SORCS1: variants seen among roughly 807,000 people sequenced by gnomAD.
SORCS1 encodes the protein VPS10 domain-containing receptor SorCS1.
Under a neutral mutation model 146.1 loss-of-function variants are expected in SORCS1, and 60 were observed. The ratio of observed to expected loss-of-function variants is 0.41; its 90% confidence interval spans 0.33 to 0.51. The LOEUF (loss-of-function observed/expected upper bound fraction) is 0.51. Ranked by LOEUF, SORCS1 falls within the 20% of genes least tolerant of loss-of-function variation. The pLI is 0.21. For synonymous variants in SORCS1, 637 were observed against 584.0 expected, an observed-to-expected ratio of 1.09 and a Z score of -1.31; for missense variants, 1,352 against 1,487.6, an observed-to-expected ratio of 0.91 and a Z score of 1.50.
At position 107,112,705 on chromosome 10, in the gene SORCS1, T is replaced by C. The variant is rs532165060; in HGVS notation, c.558+51264A>G. Among the ~76,000 whole-genome samples the C allele has an allele frequency of 8.5e-5, 13 of 152,072 alleles. No individual in the cohort carries two copies. In the South Asian group the frequency reaches 1.2e-3, roughly 15 times the overall value. On this transcript the variant is annotated intron_variant, in intron 1 of 25. Transcript: ENST00000263054. ...ATAGAAAAAGGTATTCTATGAAAAATGGCAACCAAAAGAGAGCATGGGTGG... is the reference window on the plus strand; with the variant it reads ...ATAGAAAAAGGTATTCTATGAAAAACGGCAACCAAAAGAGAGCATGGGTGG...
intron 2 of SORCS1, among the ~76,000 whole-genome samples, chr10:106,881,310 A>C (rs1272905971): frequency 1.3e-5 from 2 of 152,192 alleles, no homozygotes; most frequent in Non-Finnish European, 2.9e-5. Flanking sequence ...AGCAGTGCCT[A>C]ATCCTTAAGT....
intron 1 of SORCS1, among the ~76,000 whole-genome samples, chr10:106,988,288 T>C (rs1046535110): frequency 6.6e-6 from 1 of 152,124 alleles, no homozygotes; most frequent in Non-Finnish European, 1.5e-5. Context: ...TTTAAAATTG[T>C]TATTTTTTCA....
intron 1 of SORCS1, among the ~76,000 whole-genome samples, chr10:107,135,569 T>A (rs997239955): frequency 1.3e-5 from 2 of 152,164 alleles, no homozygotes; most frequent in Admixed American, 6.5e-5. Flanking sequence ...CACCTGCCAA[T>A]CCAGAAGGGT....
At chr10:106,805,264 T>G (rs1306079291) in intron 3 of SORCS1, among the ~76,000 whole-genome samples, 1 of 152,216 alleles carries the variant, frequency 6.6e-6, no homozygotes, top group East Asian at 1.9e-4. Context: ...GCAGAGAGTC[T>G]GATAAGGATC....
intron 1 of SORCS1, among the ~76,000 whole-genome samples, chr10:107,065,510 C>CTCCTCTCCTCTCCTCTCTTTCTT (rs71025577): frequency 1.6e-4 from 14 of 86,416 alleles, no homozygotes; most frequent in African/African-American, 6.7e-4. Flanking sequence ...CTCCTCTCCT[C>CTCCTCTCCTCTCCTCTCTTTCTT]TCTTTCTTTC....
intron 1 of SORCS1, among the ~76,000 whole-genome samples, chr10:107,064,260 G>A (rs1341525235): frequency 4.6e-5 from 7 of 152,126 alleles, no homozygotes; most frequent in Non-Finnish European, 8.8e-5. Context: ...CGATCTGGAA[G>A]GGACATTAGA....
chr10:106,588,860 CAAAAAAAAAAA>C (rs778852501), intron 24 of SORCS1, among the ~76,000 whole-genome samples: 40 of 35,110 alleles, frequency 1.1e-3, no homozygotes, highest in Non-Finnish European at 1.8e-3. Flanking sequence ...GACTCCATCT[CAAAAAAAAAAA>C]AAAAAAAAAA....
rs1317318630 is a variant in SORCS1 at position 106,855,230 on chromosome 10, C to T, written c.627-25557G>A. ...TCTTGCCTGTATAGATCTGAGAAGT[C>T]AGATGTATTTTTCATCTGTGCCTCT... On this transcript the variant is annotated intron_variant, in intron 2 of 25. Coordinates refer to ENST00000263054, the MANE Select transcript of SORCS1 (RefSeq NM_052918.5). 5.9e-5 allele frequency among the ~76,000 whole-genome samples: 9 copies of T among 152,278 alleles called. No homozygotes were observed. In the South Asian group the frequency reaches 1.9e-3, roughly 32 times the overall value.
chr10:106,789,984 C>T (rs1358848160), intron 3 of SORCS1, among the ~76,000 whole-genome samples: 1 of 152,212 alleles, frequency 6.6e-6, no homozygotes, highest in Non-Finnish European at 1.5e-5. Context: ...AAACACAAAA[C>T]CATCAGATCT....
chr10:107,179,904 C>CTTTT, the SORCS1 span, among the ~76,000 whole-genome samples: 277 of 51,292 alleles, frequency 5.4e-3, 82 homozygotes, highest in East Asian at 8.6e-3. Context: ...ACAAAACAGA[C>CTTTT]TTTTTTTTTT....
chr10:106,681,552 C>G lies in SORCS1; in HGVS notation c.1561-1818G>C, dbSNP rs1852433715. Among the ~76,000 whole-genome samples the G allele has an allele frequency of 2.0e-5, 3 of 152,296 alleles. 1 individual carries two copies. Among genetic ancestry groups the G allele is most frequent in the South Asian group, 2.1e-4 (1 of 4,818 alleles). ...TATCACTTTACTATTTTACTCAGAG[C>G]AATGCCAGGAGTATGTGGGCTGGAT... On this transcript the variant is annotated intron_variant, in intron 10 of 25. Transcript: ENST00000263054.
At chr10:107,002,905 G>C (rs1199324607) in intron 1 of SORCS1, among the ~76,000 whole-genome samples, 3 of 152,188 alleles carry the variant, frequency 2.0e-5, no homozygotes, top group Non-Finnish European at 4.4e-5. Context: ...TTAGGGGACT[G>C]ACAGTCTTAC....
intron 1 of SORCS1, among the ~76,000 whole-genome samples, chr10:106,992,132 G>A (rs1171112339): frequency 6.6e-6 from 1 of 152,142 alleles, no homozygotes; most frequent in Non-Finnish European, 1.5e-5. Flanking sequence ...CAGGCTGTTG[G>A]ATGCTTGTTT....
intron 5 of SORCS1, among the ~76,000 whole-genome samples, chr10:106,748,585 G>C (rs149239272): frequency 0.016 from 2,368 of 150,694 alleles, 26 homozygotes; most frequent in Non-Finnish European, 0.022. Context: ...ATATATCTTA[G>C]ATATACCTGT....
At chr10:106,979,896 T>C (rs1205817278) in intron 1 of SORCS1, among the ~76,000 whole-genome samples, 1 of 152,212 alleles carries the variant, frequency 6.6e-6, no homozygotes, top group Non-Finnish European at 1.5e-5. Flanking sequence ...AGCTCCTACC[T>C]CATTGGATTA....
chr10:106,896,186 T>C, intron 2 of SORCS1, among the ~76,000 whole-genome samples: 1 of 152,084 alleles, frequency 6.6e-6, no homozygotes, highest in East Asian at 1.9e-4. Context: ...CCTAGCACTT[T>C]GGGAGGCCAA....
chr10:106,679,810 A>G (rs1186104398), intron 10 of SORCS1, 76 bp from the exon 11 acceptor site: 2 of 1,171,340 alleles, frequency 1.7e-6, no homozygotes, highest in Admixed American at 2.0e-5. Flanking sequence ...CAGATCATCC[A>G]TCCATCTAAC....
intron 1 of SORCS1, among the ~76,000 whole-genome samples, chr10:107,080,604 C>T (rs1404759923): frequency 6.6e-6 from 1 of 152,148 alleles, no homozygotes; most frequent in African/African-American, 2.4e-5. Flanking sequence ...TGTGAAAGGC[C>T]TTCAGCAGTT....
intron 1 of SORCS1, among the ~76,000 whole-genome samples, chr10:107,049,933 G>A (rs959079494): frequency 3.9e-5 from 6 of 152,114 alleles, no homozygotes; most frequent in Non-Finnish European, 8.8e-5. Context: ...ATTATTAAAC[G>A]AAACGTAATA....
Sources: gnomAD v4.1 joint callset for allele counts (sites outside exome capture counted in the v4.1 genomes callset) on GRCh38, gnomAD v4.1.1 for gene constraint, MANE v1.5 for transcripts, NCBI Gene and HGNC (gene_info 2026-07-23, HGNC 2026-07-21) for gene names.